Variants in SLC24A2 observed in about 807,000 individuals in gnomAD.
SLC24A2 encodes solute carrier family 24 member 2, also known as sodium/potassium/calcium exchanger 2.
Under a neutral mutation model 62.0 loss-of-function variants are expected in SLC24A2, and 36 were observed. The observed-to-expected ratio is 0.58, with a 90% CI of 0.44 to 0.77. The LOEUF (loss-of-function observed/expected upper bound fraction) is 0.77, where lower values mean the gene tolerates loss of function less well. Among genes scored for constraint, SLC24A2 ranks in the 30% least tolerant of loss-of-function variants. The pLI, the probability that SLC24A2 is intolerant of heterozygous loss-of-function variation, is 0.00. For synonymous variants in SLC24A2, 358 were observed against 294.0 expected (o/e 1.22, Z -2.23); for missense variants, 846 against 817.9 (o/e 1.03, Z -0.42).
the SLC24A2 span, among the ~76,000 whole-genome samples, chr9:19,898,461 G>T: frequency 6.6e-6 from 1 of 152,200 alleles, no homozygotes; most frequent in Non-Finnish European, 1.5e-5. Context: ...ATAAAGAATA[G>T]GCCTGGCGCG....
chr9:19,644,420 A>G (rs1310092278), intron 2 of SLC24A2, among the ~76,000 whole-genome samples: 2 of 152,218 alleles, frequency 1.3e-5, no homozygotes, highest in Non-Finnish European at 2.9e-5. Flanking sequence ...TTGAATCATT[A>G]TAGTAAACCT....
the SLC24A2 span, among the ~76,000 whole-genome samples, chr9:19,828,087 T>A: frequency 6.6e-6 from 1 of 152,172 alleles, no homozygotes; most frequent in African/African-American, 2.4e-5. Context: ...CAAATAGTCC[T>A]ATGATGATTC....
the SLC24A2 span, among the ~76,000 whole-genome samples, chr9:19,812,795 C>T: frequency 1.3e-5 from 2 of 150,838 alleles, no homozygotes; most frequent in Non-Finnish European, 2.9e-5. Flanking sequence ...TTTTTTTTGA[C>T]AGAAAAAATT....
intron 2 of SLC24A2, among the ~76,000 whole-genome samples, chr9:19,719,941 A>G (rs1036234042): frequency 2.0e-5 from 3 of 152,216 alleles, no homozygotes; most frequent in Admixed American, 6.5e-5. Context: ...TCATGGTCTC[A>G]GTCTTCAACT....
chr9:19,523,988 A>G (rs1251473626), intron 9 of SLC24A2, among the ~76,000 whole-genome samples: 2 of 152,036 alleles, frequency 1.3e-5, no homozygotes, highest in African/African-American at 4.8e-5. Context: ...TTTTGAGTAC[A>G]TTTCACTCAA....
chr9:19,619,720 A>G, intron 3 of SLC24A2, 28 bp from the exon 4 acceptor site: 2 of 1,538,400 alleles, frequency 1.3e-6, no homozygotes, highest in Non-Finnish European at 1.8e-6. Flanking sequence ...AGAGATGGTT[A>G]GTCTCAGGAA....
At chr9:19,721,835 T>C (rs888131023) in intron 2 of SLC24A2, among the ~76,000 whole-genome samples, 3 of 152,188 alleles carry the variant, frequency 2.0e-5, no homozygotes, top group Admixed American at 6.5e-5. Context: ...TTTATGTTTG[T>C]GTATTGATAG....
the SLC24A2 span, among the ~76,000 whole-genome samples, chr9:20,036,143 C>T: frequency 6.6e-6 from 1 of 152,120 alleles, no homozygotes; most frequent in Non-Finnish European, 1.5e-5. Context: ...ATACTACCTC[C>T]CAAGCGGCAA....
chr9:20,068,664 T>C, the SLC24A2 span, among the ~76,000 whole-genome samples: 2 of 152,264 alleles, frequency 1.3e-5, no homozygotes, highest in East Asian at 3.9e-4. Context: ...GAGTTGCTCT[T>C]GCTTGGGGGT....
the SLC24A2 span, among the ~76,000 whole-genome samples, chr9:20,161,962 C>T: frequency 2.6e-5 from 4 of 151,558 alleles, no homozygotes; most frequent in Non-Finnish European, 4.4e-5. Flanking sequence ...TAATTAGATG[C>T]ATAAGAATTG....
intron 2 of SLC24A2, among the ~76,000 whole-genome samples, chr9:19,717,974 C>CTT (rs373497951): frequency 0.013 from 1,704 of 135,278 alleles, 20 homozygotes; most frequent in African/African-American, 0.03. Flanking sequence ...TGATTTAAAA[C>CTT]TTTTTTTTTT....
chr9:19,526,339 G>A (rs1016503978), intron 9 of SLC24A2, among the ~76,000 whole-genome samples: 4 of 152,156 alleles, frequency 2.6e-5, no homozygotes, highest in African/African-American at 9.7e-5. Context: ...GTGGACGTAT[G>A]TTTTCATTTC....
At chr9:19,889,554 G>C in the SLC24A2 span, among the ~76,000 whole-genome samples, 1 of 152,054 alleles carries the variant, frequency 6.6e-6, no homozygotes, top group Non-Finnish European at 1.5e-5. Context: ...TCTTTTCAGG[G>C]GTGAGGGATG....
the SLC24A2 span, among the ~76,000 whole-genome samples, chr9:19,840,411 G>A: frequency 1.4e-4 from 21 of 152,068 alleles, no homozygotes; most frequent in African/African-American, 3.4e-4. Context: ...CTCTTAATTC[G>A]AAATGTTTGA....
chr9:19,864,476 T>TTA, the SLC24A2 span, among the ~76,000 whole-genome samples: 1 of 151,908 alleles, frequency 6.6e-6, no homozygotes, highest in South Asian at 2.1e-4. Flanking sequence ...AAATTCAAAT[T>TTA]TAAATGTCAC....
At chr9:20,162,765 C>A in the SLC24A2 span, among the ~76,000 whole-genome samples, 1 of 152,178 alleles carries the variant, frequency 6.6e-6, no homozygotes, top group Non-Finnish European at 1.5e-5. Context: ...AGCAGCACAT[C>A]AAAAAGCTTA....
chr9:19,887,052 GGGGACA>G, the SLC24A2 span, among the ~76,000 whole-genome samples: 1 of 152,158 alleles, frequency 6.6e-6, no homozygotes, highest in Non-Finnish European at 1.5e-5. Flanking sequence ...GGGCCTGTAA[GGGGACA>G]GGGGAAGGGA....
At chr9:20,192,927 G>C in the SLC24A2 span, among the ~76,000 whole-genome samples, 1 of 152,066 alleles carries the variant, frequency 6.6e-6, no homozygotes, top group Non-Finnish European at 1.5e-5. Context: ...CAAAGCCTCA[G>C]GGTCTAAATC....
At position 19,573,360 on chromosome 9, in the gene SLC24A2, T is replaced by G; in HGVS notation, c.1338A>C (p.Ala446=). The G allele has an allele frequency of 6.2e-7, 1 of 1,608,756 alleles. No individual in the cohort carries two copies. The highest frequency in any genetic ancestry group is 8.5e-7 in the Non-Finnish European group (1 of 1,175,230). Residue 446 remains alanine, a synonymous_variant, in exon 7 of 11, where the codon GCA becomes GCC. Coordinates refer to ENST00000341998, the MANE Select transcript of SLC24A2 (RefSeq NM_020344.4). ...TGGAGAAAAGCCATACCTGGGCTTC[T>G]GCACCTTCAATGTTGTGGGAGAGAT... ...NGNLSHNIEG[A]EAQTADEEED...
Sources: gnomAD v4.1 joint callset for allele counts (sites outside exome capture counted in the v4.1 genomes callset) on GRCh38, gnomAD v4.1.1 for gene constraint, MANE v1.5 for transcripts, NCBI Gene and HGNC (gene_info 2026-07-23, HGNC 2026-07-21) for gene names.